The following GALNTL6 variants were observed in gnomAD, a reference collection of about 807,000 sequenced individuals.
The protein encoded by GALNTL6 is polypeptide N-acetylgalactosaminyltransferase-like 6.
A neutral mutation model predicts 73.7 loss-of-function variants in GALNTL6; 46 were observed. The ratio of observed to expected loss-of-function variants is 0.62; its 90% confidence interval spans 0.49 to 0.80. The LOEUF (loss-of-function observed/expected upper bound fraction) is 0.80. Among genes scored for constraint, GALNTL6 ranks in the 30% least tolerant of loss-of-function variants. GALNTL6 has a pLI of 0.00. For missense variants in GALNTL6, 604 were observed against 755.0 expected, an observed-to-expected ratio of 0.80 and a Z score of 2.34; for synonymous variants, 259 against 263.7, an observed-to-expected ratio of 0.98 and a Z score of 0.17.
intron 10 of GALNTL6, among the ~76,000 whole-genome samples, chr4:172,957,492 A>G (rs1479881637): frequency 6.6e-6 from 1 of 152,142 alleles, no homozygotes; most frequent in Non-Finnish European, 1.5e-5. Flanking sequence ...AAAGTGAGGA[A>G]TAGAAGTTGC....
chr4:173,014,365 G>A (rs1036341870), intron 11 of GALNTL6, among the ~76,000 whole-genome samples: 3 of 152,206 alleles, frequency 2.0e-5, no homozygotes, highest in Admixed American at 6.5e-5. Context: ...AGGAGTGGCG[G>A]GGAGGAACCC....
rs539426296 is a variant in GALNTL6 at position 172,913,957 on chromosome 4, G to T, written c.1042-17204G>T. Among the ~76,000 whole-genome samples the T allele has an allele frequency of 4.6e-5, 7 of 152,246 alleles. No homozygotes were observed. In the South Asian group the frequency reaches 1.0e-3, roughly 23 times the overall value. On this transcript the variant is annotated intron_variant, in intron 8 of 12. Coordinates refer to ENST00000506823, the MANE Select transcript of GALNTL6 (RefSeq NM_001034845.3). ...CATAATTGTCAGAGTCATCAAGATT[G>T]AAATGAAGGAAAAAATGTTAAAGGC...
intron 5 of GALNTL6, among the ~76,000 whole-genome samples, chr4:172,423,020 T>C (rs1048773438): frequency 1.3e-5 from 2 of 151,792 alleles, no homozygotes; most frequent in Non-Finnish European, 2.9e-5. Flanking sequence ...TACCTATACC[T>C]GTAGAAATCT....
chr4:172,171,206 T>C (rs1254894105), intron 2 of GALNTL6, among the ~76,000 whole-genome samples: 2 of 152,198 alleles, frequency 1.3e-5, no homozygotes, highest in Non-Finnish European at 2.9e-5. Flanking sequence ...GGAAGAAGCA[T>C]AACCTCAGAT....
At chr4:171,961,320 A>G (rs1373159230) in intron 2 of GALNTL6, among the ~76,000 whole-genome samples, 4 of 152,192 alleles carry the variant, frequency 2.6e-5, no homozygotes, top group Non-Finnish European at 5.9e-5. Flanking sequence ...AGTAAAGAAT[A>G]TCACATTCTG....
At chr4:172,615,206 A>G (rs1162229103) in intron 5 of GALNTL6, among the ~76,000 whole-genome samples, 1 of 148,894 alleles carries the variant, frequency 6.7e-6, no homozygotes, top group Non-Finnish European at 1.5e-5. Context: ...AAAAAAAAAG[A>G]CTAGTCTAAT....
intron 4 of GALNTL6, among the ~76,000 whole-genome samples, chr4:172,316,007 C>G (rs912718295): frequency 6.6e-6 from 1 of 151,934 alleles, no homozygotes; most frequent in African/African-American, 2.4e-5. Context: ...AAAAGAAGCT[C>G]TGATAAATTT....
At chr4:172,419,823 G>C (rs1474921587) in intron 5 of GALNTL6, among the ~76,000 whole-genome samples, 1 of 152,102 alleles carries the variant, frequency 6.6e-6, no homozygotes, top group Non-Finnish European at 1.5e-5. Context: ...CTCTCTCTTG[G>C]TTCAATGTTT....
chr4:171,834,820 C>A (rs1735059225), intron 2 of GALNTL6, among the ~76,000 whole-genome samples: 1 of 151,938 alleles, frequency 6.6e-6, no homozygotes, highest in Non-Finnish European at 1.5e-5. Context: ...CGACTAGTGG[C>A]TACAGAGAAA....
At chr4:173,014,394 G>T (rs1165953636) in intron 11 of GALNTL6, among the ~76,000 whole-genome samples, 1 of 152,174 alleles carries the variant, frequency 6.6e-6, no homozygotes, top group African/African-American at 2.4e-5. Flanking sequence ...TAGTTTGGCT[G>T]TTCCCACTCT....
intron 2 of GALNTL6, among the ~76,000 whole-genome samples, chr4:172,187,148 C>T (rs1735439733): frequency 6.6e-6 from 1 of 151,722 alleles, no homozygotes; most frequent in Non-Finnish European, 1.5e-5. Flanking sequence ...AATTTACAAC[C>T]TTTTATATTA....
intron 5 of GALNTL6, among the ~76,000 whole-genome samples, chr4:172,657,746 G>C (rs1430678056): frequency 3.3e-5 from 5 of 152,214 alleles, no homozygotes; most frequent in Non-Finnish European, 2.9e-5. Flanking sequence ...TGAAAGGAAA[G>C]AGTGTGAGGG....
Position 172,284,241 on chromosome 4 carries a change from C to T in GALNTL6, c.248-27373C>T, listed in dbSNP as rs561921651. ...TTACAACTACCTTACCCTATTTTTGCAATAGTTAAGGCAGAAACTAGAGAT... is the reference window on the plus strand; with the variant it reads ...TTACAACTACCTTACCCTATTTTTGTAATAGTTAAGGCAGAAACTAGAGAT... On this transcript the variant is annotated intron_variant, in intron 3 of 12. Coordinates refer to ENST00000506823, the MANE Select transcript of GALNTL6 (RefSeq NM_001034845.3). Among the ~76,000 whole-genome samples the T allele has an allele frequency of 2.6e-5, 4 of 152,208 alleles. No homozygotes were observed. In the South Asian group the frequency reaches 8.3e-4, roughly 32 times the overall value.
intron 5 of GALNTL6, among the ~76,000 whole-genome samples, chr4:172,744,849 G>C (rs1300870984): frequency 6.6e-6 from 1 of 151,196 alleles, no homozygotes; most frequent in Non-Finnish European, 1.5e-5. Context: ...GCGTGTGTGT[G>C]TGTGTGTGTG....
At chr4:172,515,456 A>G (rs1734570476) in intron 5 of GALNTL6, among the ~76,000 whole-genome samples, 1 of 152,108 alleles carries the variant, frequency 6.6e-6, no homozygotes, top group Admixed American at 6.5e-5. Flanking sequence ...CACAGTCCGG[A>G]TTCTCCGAAT....
chr4:172,006,519 C>T (rs1176949042), intron 2 of GALNTL6, among the ~76,000 whole-genome samples: 1 of 151,876 alleles, frequency 6.6e-6, no homozygotes, highest in East Asian at 1.9e-4. Context: ...CCCAGCTACT[C>T]GGGAGGCTGA....
chr4:172,981,018 G>C (rs1157017540), intron 10 of GALNTL6, among the ~76,000 whole-genome samples: 1 of 152,138 alleles, frequency 6.6e-6, no homozygotes, highest in Non-Finnish European at 1.5e-5. Context: ...GTCGTTGTAT[G>C]TATCAGAACT....
chr4:171,988,823 G>T (rs561022263), intron 2 of GALNTL6, among the ~76,000 whole-genome samples: 1 of 152,172 alleles, frequency 6.6e-6, no homozygotes, highest in African/African-American at 2.4e-5. Flanking sequence ...GGATGGTAAG[G>T]GGGGCATGAT....
chr4:171,939,534 C>T (rs1376002186), intron 2 of GALNTL6, among the ~76,000 whole-genome samples: 1 of 151,748 alleles, frequency 6.6e-6, no homozygotes, highest in Non-Finnish European at 1.5e-5. Context: ...AATGTATTTT[C>T]AATCTCATTA....
Sources: allele counts gnomAD v4.1 joint callset (sites outside exome capture counted in the v4.1 genomes callset), GRCh38; gene constraint gnomAD v4.1.1; transcripts MANE v1.5; gene names NCBI Gene and HGNC (gene_info 2026-07-23, HGNC 2026-07-21).